Variants in GRK3 observed in about 807,000 individuals in gnomAD.
GRK3 encodes adrenergic, beta, receptor kinase 2.
In GRK3, 54 loss-of-function variants were observed where a neutral mutation model predicts 95.7. That is an observed-to-expected ratio of 0.56 (90% confidence interval 0.45 to 0.71). The LOEUF is 0.71. GRK3 is among the 30% of genes least tolerant of loss of function. The probability of loss-of-function intolerance (pLI) is 0.00; values close to 1 mark genes in which losing one functional copy is unlikely to be tolerated. For synonymous variants in GRK3, 281 were observed against 290.8 expected, an observed-to-expected ratio of 0.97 and a Z score of 0.34; for missense variants, 649 against 851.2, an observed-to-expected ratio of 0.76 and a Z score of 2.96.
intron 13 of GRK3, among the ~76,000 whole-genome samples, chr22:25,702,483 A>G (rs951289794): frequency 2.6e-5 from 4 of 152,226 alleles, no homozygotes; most frequent in Non-Finnish European, 5.9e-5. Context: ...ACTACTTTGT[A>G]GGCACATCTT....
intron 1 of GRK3, among the ~76,000 whole-genome samples, chr22:25,589,881 G>A (rs1258863745): frequency 3.3e-5 from 5 of 152,124 alleles, no homozygotes; most frequent in Non-Finnish European, 5.9e-5. Flanking sequence ...ATGGCAGCAG[G>A]CAAGAGAGTG....
intron 12 of GRK3, 56 bp downstream of exon 12, chr22:25,690,339 C>G: frequency 7.6e-7 from 1 of 1,321,328 alleles, no homozygotes; most frequent in Non-Finnish European, 1.1e-6. Context: ...CTTTCAAAGG[C>G]GTGGCCATTT....
At chr22:25,631,180 C>T (rs1394401772) in intron 2 of GRK3, among the ~76,000 whole-genome samples, 1 of 152,130 alleles carries the variant, frequency 6.6e-6, no homozygotes, top group African/African-American at 2.4e-5. Context: ...TAGCTATATG[C>T]TTTTTTCTTT....
chr22:25,683,171 G>T (rs2085087729), intron 9 of GRK3, among the ~76,000 whole-genome samples: 1 of 152,228 alleles, frequency 6.6e-6, no homozygotes, highest in African/African-American at 2.4e-5. Flanking sequence ...GGCCTGCAAG[G>T]CCTAAAATAT....
intron 5 of GRK3, among the ~76,000 whole-genome samples, chr22:25,666,571 A>AC (rs1335471093): frequency 6.6e-6 from 1 of 151,598 alleles, no homozygotes; most frequent in Non-Finnish European, 1.5e-5. Flanking sequence ...AGACTGGCTC[A>AC]CCCCCCACCA....
chr22:25,596,124 G>C (rs2084370814), intron 1 of GRK3, among the ~76,000 whole-genome samples: 1 of 152,206 alleles, frequency 6.6e-6, no homozygotes, highest in Admixed American at 6.5e-5. Flanking sequence ...AAACTGGAAA[G>C]TCAGAATGGA....
chr22:25,566,242 T>C (rs1244971338), intron 1 of GRK3, among the ~76,000 whole-genome samples: 2 of 152,212 alleles, frequency 1.3e-5, no homozygotes, highest in African/African-American at 4.8e-5. Flanking sequence ...ATCTTGTTTA[T>C]GGTGAATTTG....
intron 9 of GRK3, among the ~76,000 whole-genome samples, chr22:25,684,817 T>C (rs1272513507): frequency 6.6e-6 from 1 of 152,242 alleles, no homozygotes; most frequent in Non-Finnish European, 1.5e-5. Context: ...TTACTGTGAC[T>C]TTAAAAATTA....
At chr22:25,698,004 C>A (rs559382295) in intron 13 of GRK3, among the ~76,000 whole-genome samples, 1 of 151,276 alleles carries the variant, frequency 6.6e-6, no homozygotes, top group East Asian at 1.9e-4. Flanking sequence ...GCATTTACTG[C>A]GTACCTGCAA....
At position 25,667,788 on chromosome 22, in the gene GRK3, A is replaced by C. The variant is rs141379628; in HGVS notation, c.491A>C (p.Lys164Thr). The C allele has an allele frequency of 6.2e-7, 1 of 1,606,772 alleles. No homozygotes were observed. The highest frequency in any genetic ancestry group is 8.5e-7 in the Non-Finnish European group (1 of 1,173,566). ...AGCCTTCGAGGTGACATTTTTCAAA[A>C]ATTTATGGAAAGGTATGAAACTTTA... ...CESLRGDIFQ[K>T]FMESDKFTRF... Residue 164 changes from lysine (K) to threonine (T), a missense_variant, in exon 6 of 21, where the codon AAA (lysine) becomes ACA (threonine). Around this residue, in one of 3 missense-constraint regions of GRK3, gnomAD observed 206 missense variants for 231.4 expected, o/e 0.89. Transcript: ENST00000324198.
intron 1 of GRK3, among the ~76,000 whole-genome samples, chr22:25,593,229 T>C (rs1932557787): frequency 6.6e-6 from 1 of 152,102 alleles, no homozygotes; most frequent in African/African-American, 2.4e-5. Context: ...GAATGGTACT[T>C]CTTTGTTAAG....
chr22:25,690,530 A>G (rs550472905), intron 12 of GRK3, among the ~76,000 whole-genome samples: 2 of 152,166 alleles, frequency 1.3e-5, no homozygotes, highest in Non-Finnish European at 2.9e-5. Context: ...AACAGTCAGG[A>G]CCTCAGCAAA....
intron 1 of GRK3, among the ~76,000 whole-genome samples, chr22:25,578,714 C>A (rs1477041995): frequency 6.6e-6 from 1 of 152,104 alleles, no homozygotes. Flanking sequence ...GGAATGTGGG[C>A]AGCCTGTAGA....
At chr22:25,639,616 T>C (rs75081892) in intron 2 of GRK3, among the ~76,000 whole-genome samples, 3,268 of 152,308 alleles carry the variant, frequency 0.021, 60 homozygotes, top group Middle Eastern at 0.068. Context: ...TTGAACTTTG[T>C]TCTTCTTTCT....
chr22:25,578,422 C>A (rs1337428145), intron 1 of GRK3, among the ~76,000 whole-genome samples: 2 of 152,152 alleles, frequency 1.3e-5, no homozygotes, highest in African/African-American at 4.8e-5. Context: ...ATACAAACCC[C>A]CTGTGGTGGG....
intron 2 of GRK3, among the ~76,000 whole-genome samples, chr22:25,612,850 T>TAAA (rs529309150): frequency 7.3e-6 from 1 of 136,094 alleles, no homozygotes; most frequent in Non-Finnish European, 1.6e-5. Context: ...CTCTAAAAGT[T>TAAA]AAAAAAAAAA....
intron 13 of GRK3, among the ~76,000 whole-genome samples, chr22:25,701,470 T>C (rs2085258360): frequency 6.6e-6 from 1 of 152,234 alleles, no homozygotes; most frequent in Admixed American, 6.5e-5. Flanking sequence ...TTTCTGATAA[T>C]TTCTCATTGA....
chr22:25,672,252 A>G, intron 6 of GRK3, 44 bp from the exon 7 acceptor site: 1 of 958,474 alleles, frequency 1.0e-6, no homozygotes, highest in Non-Finnish European at 1.6e-6. Context: ...AAATCCAGTT[A>G]ATTTGATATT....
intron 2 of GRK3, among the ~76,000 whole-genome samples, chr22:25,625,062 G>A (rs1252964513): frequency 1.3e-5 from 2 of 151,794 alleles, no homozygotes; most frequent in East Asian, 1.9e-4. Flanking sequence ...GACTACAGGC[G>A]CCTGCCACCA....
Sources: allele counts gnomAD v4.1 joint callset (sites outside exome capture counted in the v4.1 genomes callset), GRCh38; gene constraint gnomAD v4.1.1; regional missense constraint gnomAD v4.1.1; transcripts MANE v1.5; gene names NCBI Gene and HGNC (gene_info 2026-07-23, HGNC 2026-07-21).